Variants in AGTPBP1 observed in about 807,000 individuals in gnomAD.
AGTPBP1 encodes cytosolic carboxypeptidase 1.
AGTPBP1 carries 70 observed loss-of-function variants against 143.9 expected under a neutral mutation model. That is an observed-to-expected ratio of 0.49 (90% CI 0.40 to 0.59). The LOEUF (loss-of-function observed/expected upper bound fraction) is 0.59. Among genes scored for constraint, AGTPBP1 ranks in the 20% least tolerant of loss-of-function variants. The probability of loss-of-function intolerance (pLI) is 0.00; values close to 1 mark genes in which losing one functional copy is unlikely to be tolerated. For missense variants in AGTPBP1, 1,229 were observed against 1,464.5 expected (o/e 0.84, Z 2.62); for synonymous variants, 463 against 500.2 (o/e 0.93, Z 0.99).
At chr9:85,575,913 G>A (rs913403229) in intron 24 of AGTPBP1, among the ~76,000 whole-genome samples, 7 of 152,222 alleles carry the variant, frequency 4.6e-5, no homozygotes, top group Admixed American at 3.3e-4. Context: ...TTACTTTATA[G>A]ATACTTCTAC....
chr9:85,728,214 G>A (rs1370941183), intron 1 of AGTPBP1, among the ~76,000 whole-genome samples: 1 of 152,052 alleles, frequency 6.6e-6, no homozygotes, highest in Admixed American at 6.6e-5. Context: ...GCTGATATAG[G>A]AGAAAAATAT....
intron 24 of AGTPBP1, among the ~76,000 whole-genome samples, chr9:85,577,516 C>G (rs906208385): frequency 1.1e-4 from 16 of 152,276 alleles, no homozygotes; most frequent in African/African-American, 3.8e-4. Context: ...TGCATTTTCT[C>G]TCTCACCACC....
chr9:85,634,572 C>T (rs1277996728), intron 13 of AGTPBP1, among the ~76,000 whole-genome samples: 1 of 152,134 alleles, frequency 6.6e-6, no homozygotes, highest in Non-Finnish European at 1.5e-5. Context: ...GATGCCATGA[C>T]ACGAGTTATT....
intron 13 of AGTPBP1, among the ~76,000 whole-genome samples, chr9:85,639,227 TAA>T (rs1179270729): frequency 6.6e-6 from 1 of 152,086 alleles, no homozygotes; most frequent in East Asian, 1.9e-4. Context: ...TCAAAAAAAA[TAA>T]GTTTCAGAGT....
chr9:85,711,584 C>T (rs544796953), intron 2 of AGTPBP1, among the ~76,000 whole-genome samples: 10 of 151,814 alleles, frequency 6.6e-5, no homozygotes, highest in South Asian at 2.1e-4. Flanking sequence ...GGACTACAGG[C>T]GCCTACCACC....
At chr9:85,589,041 CCTT>C (rs1328327277) in intron 20 of AGTPBP1, among the ~76,000 whole-genome samples, 18 of 152,050 alleles carry the variant, frequency 1.2e-4, no homozygotes, top group Middle Eastern at 3.4e-3. Flanking sequence ...AAATACTTCG[CCTT>C]CTTATCAAAA....
intron 1 of AGTPBP1, among the ~76,000 whole-genome samples, chr9:85,715,735 C>T (rs768519476): frequency 2.6e-5 from 4 of 152,206 alleles, no homozygotes; most frequent in Admixed American, 6.5e-5. Flanking sequence ...AAAAATCTTG[C>T]GAAAGCTTGT....
chr9:85,685,129 G>GA (rs1185783940), intron 3 of AGTPBP1, among the ~76,000 whole-genome samples: 2 of 151,432 alleles, frequency 1.3e-5, no homozygotes, highest in Non-Finnish European at 2.9e-5. Flanking sequence ...AACAACAGCT[G>GA]AAAAAATATC....
At chr9:85,556,966 G>T (rs926355272) in intron 25 of AGTPBP1, among the ~76,000 whole-genome samples, 2 of 152,052 alleles carry the variant, frequency 1.3e-5, no homozygotes, top group Non-Finnish European at 2.9e-5. Flanking sequence ...ATCTTATCAG[G>T]AATATATGGA....
At chr9:85,646,496 TA>T in intron 11 of AGTPBP1, 78 bp from the exon 12 acceptor site, 1 of 950,022 alleles carries the variant, frequency 1.1e-6, no homozygotes, top group South Asian at 1.4e-5. Flanking sequence ...GAATGTGACT[TA>T]TATAAAGTAT....
At chr9:85,639,683 A>G (rs191625475) in intron 13 of AGTPBP1, among the ~76,000 whole-genome samples, 5 of 152,364 alleles carry the variant, frequency 3.3e-5, no homozygotes, top group Admixed American at 1.3e-4. Context: ...AAGAAAGAAA[A>G]ACAAAATATA....
chr9:85,607,219 T>C (rs187213788), intron 17 of AGTPBP1, among the ~76,000 whole-genome samples: 1 of 152,038 alleles, frequency 6.6e-6, no homozygotes, highest in African/African-American at 2.4e-5. Flanking sequence ...CTATATAAAG[T>C]AGTGAAAGGT....
chr9:85,731,446 GTTTT>G (rs761865405), intron 1 of AGTPBP1, among the ~76,000 whole-genome samples: 18 of 151,852 alleles, frequency 1.2e-4, no homozygotes, highest in Non-Finnish European at 2.1e-4. Flanking sequence ...AAGTGTTTTG[GTTTT>G]TTTGTGTGTG....
chr9:85,703,304 C>T (rs1836789417), intron 2 of AGTPBP1, among the ~76,000 whole-genome samples: 1 of 152,128 alleles, frequency 6.6e-6, no homozygotes, highest in Non-Finnish European at 1.5e-5. Flanking sequence ...TTTAGATATA[C>T]AATTTTTAAA....
At chr9:85,656,576 G>T (rs1311615345) in intron 10 of AGTPBP1, among the ~76,000 whole-genome samples, 1 of 151,780 alleles carries the variant, frequency 6.6e-6, no homozygotes, top group Non-Finnish European at 1.5e-5. Context: ...CAAAAAGACA[G>T]ATTTCTTTCT....
At chr9:85,601,569 C>T (rs2133331506) in intron 17 of AGTPBP1, among the ~76,000 whole-genome samples, 1 of 152,340 alleles carries the variant, frequency 6.6e-6, no homozygotes, top group Admixed American at 6.5e-5. Flanking sequence ...CAGCCTGTCA[C>T]AGCCACCACC....
chr9:85,699,639 G>T (rs1836518513), intron 2 of AGTPBP1, among the ~76,000 whole-genome samples: 1 of 150,864 alleles, frequency 6.6e-6, no homozygotes, highest in Admixed American at 6.6e-5. Context: ...AAAGTTTTAG[G>T]ATTACACAGG....
At chr9:85,626,234 T>C (rs1587768231) in intron 14 of AGTPBP1, among the ~76,000 whole-genome samples, 1 of 152,188 alleles carries the variant, frequency 6.6e-6, no homozygotes, top group Non-Finnish European at 1.5e-5. Context: ...TCTCTTTCAT[T>C]TGGAGGTAAA....
rs2133179180 is a variant in AGTPBP1, at chr9:85,586,962, T to C, written c.2904-2A>G. ...TCTCCACTTAAAGAACAGCGATGAC[T>C]ACATGTACATAAACACAAAGACAGA... On this transcript the variant is annotated splice_acceptor_variant, in intron 21 of 25. Transcript: ENST00000357081. LOFTEE classifies it high-confidence loss of function. 1.2e-6 allele frequency: 2 copies of C among 1,613,692 alleles called. No homozygotes were observed. Among genetic ancestry groups the C allele is most frequent in the Non-Finnish European group, 1.7e-6 (2 of 1,179,742 alleles).
Sources: gnomAD v4.1 joint callset for allele counts (sites outside exome capture counted in the v4.1 genomes callset) on GRCh38, gnomAD v4.1.1 for gene constraint, MANE v1.5 for transcripts, NCBI Gene and HGNC (gene_info 2026-07-23, HGNC 2026-07-21) for gene names.